WDR7: variants seen among roughly 807,000 people sequenced by gnomAD.
WDR7 encodes WD repeat domain 7.
WDR7 carries 46 observed loss-of-function variants against 169.4 expected under a neutral mutation model. The observed-to-expected ratio is 0.27, with a 90% confidence interval of 0.21 to 0.35. The LOEUF is 0.35. WDR7 is among the 10% of genes least tolerant of loss of function. WDR7 has a pLI of 1.00. For synonymous variants in WDR7, 612 were observed against 666.8 expected, an observed-to-expected ratio of 0.92 and a Z score of 1.27; for missense variants, 1,534 against 1,859.3, an observed-to-expected ratio of 0.83 and a Z score of 3.22.
chr18:56,880,666 A>G (rs2046094085), intron 21 of WDR7, among the ~76,000 whole-genome samples: 1 of 152,250 alleles, frequency 6.6e-6, no homozygotes. Context: ...TATAAATAAT[A>G]CATGGGTTTA....
intron 21 of WDR7, among the ~76,000 whole-genome samples, chr18:56,900,392 G>A (rs905674223): frequency 6.6e-6 from 1 of 151,934 alleles, no homozygotes; most frequent in South Asian, 2.1e-4. Context: ...GGAGAGGAAG[G>A]GAGGTAAATC....
chr18:56,933,989 T>G (rs1450011184), intron 22 of WDR7, among the ~76,000 whole-genome samples: 6 of 152,234 alleles, frequency 3.9e-5, no homozygotes, highest in Non-Finnish European at 8.8e-5. Context: ...GGGAAATCTT[T>G]GCCAACTCCA....
chr18:56,688,320 T>C (rs555674658), intron 7 of WDR7, among the ~76,000 whole-genome samples: 112 of 152,290 alleles, frequency 7.4e-4, no homozygotes, highest in African/African-American at 2.6e-3. Context: ...TCGTTGTCAC[T>C]TACTATATTA....
chr18:56,773,751 A>G (rs1310518177), intron 16 of WDR7, among the ~76,000 whole-genome samples: 1 of 152,152 alleles, frequency 6.6e-6, no homozygotes, highest in Non-Finnish European at 1.5e-5. Context: ...TATTGACACA[A>G]AAGAAAACTT....
At chr18:56,711,140 G>A (rs2026078228) in intron 12 of WDR7, among the ~76,000 whole-genome samples, 1 of 150,798 alleles carries the variant, frequency 6.6e-6, no homozygotes, top group Non-Finnish European at 1.5e-5. Context: ...GTTGTTGCTG[G>A]AATTTCTAAT....
intron 21 of WDR7, among the ~76,000 whole-genome samples, chr18:56,914,335 A>C (rs186751610): frequency 4.6e-5 from 7 of 152,284 alleles, no homozygotes; most frequent in African/African-American, 1.4e-4. Flanking sequence ...ACTTAGTGCC[A>C]CTTGATACAT....
chr18:56,931,281 C>T (rs976811072), intron 22 of WDR7, among the ~76,000 whole-genome samples: 3 of 152,186 alleles, frequency 2.0e-5, no homozygotes, highest in Admixed American at 6.5e-5. Context: ...CCTTTAATTT[C>T]AAACCTCTGA....
chr18:56,694,706 A>G lies in WDR7; in HGVS notation c.1054A>G (p.Arg352Gly), dbSNP rs752022945. 1.2e-6 allele frequency: 2 copies of G among 1,613,566 alleles called. No individual in the cohort carries two copies. Among genetic ancestry groups the G allele is most frequent in the East Asian group, 2.2e-5 (1 of 44,762 alleles). The stretch of plus-strand genomic sequence containing the variant: ...GTTAATTCAGGGTGATTCTTCTGGA[A>G]GGTTGAATATTTGGAACATATCAGA... ...KLLIQGDSSG[R>G]LNIWNISDTA... Residue 352 changes from arginine (R) to glycine (G), a missense_variant, in exon 10 of 28, where the codon AGG (arginine) becomes GGG (glycine). Coordinates refer to ENST00000254442, the MANE Select transcript of WDR7 (RefSeq NM_015285.3).
chr18:56,901,372 G>A (rs560052120), intron 21 of WDR7, among the ~76,000 whole-genome samples: 68 of 152,256 alleles, frequency 4.5e-4, no homozygotes, highest in African/African-American at 1.6e-3. Flanking sequence ...TCATAGCTGG[G>A]TAGATCTCTA....
chr18:56,902,311 A>G (rs2046414705), intron 21 of WDR7, among the ~76,000 whole-genome samples: 1 of 152,192 alleles, frequency 6.6e-6, no homozygotes, highest in South Asian at 2.1e-4. Flanking sequence ...TGCTGAGCCT[A>G]TCTTTTGTCA....
chr18:56,939,098 T>C (rs1297299422), intron 24 of WDR7, among the ~76,000 whole-genome samples: 7 of 152,170 alleles, frequency 4.6e-5, no homozygotes, highest in Admixed American at 4.6e-4. Context: ...GTTGTCTTTA[T>C]TTTATTGCAC....
rs192848271 is a variant in WDR7 at position 56,887,821 on chromosome 18, T to C, written c.3526+7656T>C. Among the ~76,000 whole-genome samples, 284 of 152,304 alleles carry C rather than the reference T, an allele frequency of 1.9e-3. 2 individuals are homozygous for C. Among genetic ancestry groups the C allele is most frequent in the African/African-American group, 6.6e-3 (275 of 41,582 alleles). Reference sequence around the variant, plus strand: ...TCTCCTGTTTGAAAACAATTAGATGTCTAAATGACCCTCTGTCTTACGTGT... The same window carrying C: ...TCTCCTGTTTGAAAACAATTAGATGCCTAAATGACCCTCTGTCTTACGTGT... On this transcript the variant is annotated intron_variant, in intron 21 of 27. Coordinates refer to ENST00000254442, the MANE Select transcript of WDR7 (RefSeq NM_015285.3).
intron 12 of WDR7, among the ~76,000 whole-genome samples, chr18:56,702,483 A>T (rs1438531778): frequency 6.6e-6 from 1 of 152,226 alleles, no homozygotes; most frequent in South Asian, 2.1e-4. Context: ...AAAATTCATG[A>T]ATTAAAAAAT....
At chr18:56,679,184 CCAGCA>C (rs2025306060) in intron 2 of WDR7, 143 bp from the exon 3 acceptor site, 1 of 573,612 alleles carries the variant, frequency 1.7e-6, no homozygotes, top group African/African-American at 1.9e-5. Flanking sequence ...CCAGGCGGCT[CCAGCA>C]GTGCTTTGCA....
chr18:56,696,550 TAAAG>T (rs2025708492), intron 12 of WDR7, 88 bp downstream of exon 12: 5 of 1,101,970 alleles, frequency 4.5e-6, no homozygotes, highest in Non-Finnish European at 6.5e-6. Context: ...TAGACTAACT[TAAAG>T]GAAGTGTGAC....
chr18:57,000,517 T>C (rs1238301444), intron 26 of WDR7, among the ~76,000 whole-genome samples: 1 of 152,178 alleles, frequency 6.6e-6, no homozygotes, highest in Admixed American at 6.5e-5. Context: ...GCCATAATCA[T>C]TTTGTTTTTT....
At chr18:56,675,385 T>A (rs2025222198) in intron 2 of WDR7, among the ~76,000 whole-genome samples, 1 of 152,188 alleles carries the variant, frequency 6.6e-6, no homozygotes, top group South Asian at 2.1e-4. Context: ...TTAGTTTTTT[T>A]TCAGCGATAT....
At chr18:56,993,821 G>A (rs902198946) in intron 26 of WDR7, among the ~76,000 whole-genome samples, 4 of 151,962 alleles carry the variant, frequency 2.6e-5, no homozygotes, top group Admixed American at 1.3e-4. Context: ...GATAATCTTC[G>A]GATTACTGGA....
At chr18:56,996,910 G>A (rs1023193718) in intron 26 of WDR7, among the ~76,000 whole-genome samples, 6 of 151,864 alleles carry the variant, frequency 4.0e-5, no homozygotes, top group Non-Finnish European at 5.9e-5. Context: ...GTAGAAAAAC[G>A]CACATGATAT....
Sources: allele counts gnomAD v4.1 joint callset (sites outside exome capture counted in the v4.1 genomes callset), GRCh38; gene constraint gnomAD v4.1.1; transcripts MANE v1.5; gene names NCBI Gene and HGNC (gene_info 2026-07-23, HGNC 2026-07-21).